Variants in SPADH observed in about 807,000 individuals in gnomAD.
SPADH encodes the protein spermadhesin family member, also known as CUB domain-containing protein.
chr10:122,677,038 C>A, the SPADH span: 1 of 440,134 alleles, frequency 2.3e-6, no homozygotes, highest in Non-Finnish European at 3.0e-6. Flanking sequence ...CTGTTGAAAG[C>A]TTTTCACTGG....
the SPADH span, among the ~76,000 whole-genome samples, chr10:122,674,516 T>C: frequency 6.6e-6 from 1 of 152,204 alleles, no homozygotes; most frequent in African/African-American, 2.4e-5. Context: ...GATTTATTTC[T>C]TCCAGAGCCA....
At chr10:122,679,231 C>T in the SPADH span, among the ~76,000 whole-genome samples, 5 of 152,176 alleles carry the variant, frequency 3.3e-5, no homozygotes, top group South Asian at 2.1e-4. Flanking sequence ...GAAAAAGGTA[C>T]GGGTTCTGTC....
At chr10:122,673,555 G>A in the SPADH span, among the ~76,000 whole-genome samples, 1 of 152,206 alleles carries the variant, frequency 6.6e-6, no homozygotes, top group Non-Finnish European at 1.5e-5. Flanking sequence ...ACTGCATGAG[G>A]ACTGGCCAAC....
chr10:122,676,812 G>A, the SPADH span: 19 of 985,184 alleles, frequency 1.9e-5, no homozygotes, highest in African/African-American at 5.2e-5. Flanking sequence ...CTTCAACTAC[G>A]CTGGGCCGAA....
chr10:122,674,193 T>C, the SPADH span, among the ~76,000 whole-genome samples: 1 of 152,258 alleles, frequency 6.6e-6, no homozygotes, highest in African/African-American at 2.4e-5. Flanking sequence ...CCAACCCCTC[T>C]TAACCTCAGC....
At chr10:122,677,052 G>A in the SPADH span, among the ~76,000 whole-genome samples, 5 of 152,090 alleles carry the variant, frequency 3.3e-5, no homozygotes, top group African/African-American at 9.7e-5. Context: ...TCACTGGCTC[G>A]TTTTCTCCAA....
the SPADH span, among the ~76,000 whole-genome samples, chr10:122,675,296 A>G: frequency 6.6e-6 from 1 of 152,210 alleles, no homozygotes; most frequent in African/African-American, 2.4e-5. Context: ...TGACTACTCT[A>G]TCAGAGCAGT....
At chr10:122,677,024 C>A in the SPADH span, 1 of 549,540 alleles carries the variant, frequency 1.8e-6, no homozygotes, top group Non-Finnish European at 2.3e-6. Context: ...GACATTTTCA[C>A]TTCCTGTTGA....
chr10:122,678,309 C>G, the SPADH span, among the ~76,000 whole-genome samples: 2 of 152,188 alleles, frequency 1.3e-5, no homozygotes, highest in African/African-American at 4.8e-5. Flanking sequence ...AGACCCCTCT[C>G]TCCTCTGCAG....
At chr10:122,678,835 C>T in the SPADH span, 1 of 971,890 alleles carries the variant, frequency 1.0e-6, no homozygotes, top group Non-Finnish European at 1.2e-6. Context: ...GTTGCCTTTT[C>T]TTCTGACCCA....
chr10:122,679,158 G>T, the SPADH span: 1 of 294,950 alleles, frequency 3.4e-6, no homozygotes, highest in African/African-American at 2.3e-5. Flanking sequence ...ATAAGATTGA[G>T]TCATAGTTCT....
the SPADH span, chr10:122,672,935 A>T: frequency 1.0e-6 from 1 of 985,404 alleles, no homozygotes; most frequent in Non-Finnish European, 1.2e-6. Flanking sequence ...TAGGTAACGC[A>T]TGGCCCCAGG....
At chr10:122,674,746 G>T in the SPADH span, among the ~76,000 whole-genome samples, 1 of 152,234 alleles carries the variant, frequency 6.6e-6, no homozygotes, top group Non-Finnish European at 1.5e-5. Context: ...GACAGATCAG[G>T]TGTATGCCAG....
chr10:122,679,083 T>A, the SPADH span: 1 of 887,328 alleles, frequency 1.1e-6, no homozygotes, highest in Admixed American at 6.2e-5. Context: ...CTGCTGATGC[T>A]CCCCTGCTCT....
At chr10:122,672,976 T>C in the SPADH span, 1 of 965,266 alleles carries the variant, frequency 1.0e-6, no homozygotes, top group Non-Finnish European at 1.2e-6. Flanking sequence ...ACTGTTTTCC[T>C]TTTCAACTGC....
At chr10:122,678,963 T>A in the SPADH span, 1 of 985,042 alleles carries the variant, frequency 1.0e-6, no homozygotes, top group Non-Finnish European at 1.2e-6. Context: ...TCCAACATCA[T>A]CACCATCAAG....
the SPADH span, among the ~76,000 whole-genome samples, chr10:122,674,527 A>G: frequency 7.2e-5 from 11 of 152,290 alleles, no homozygotes; most frequent in African/African-American, 2.6e-4. Context: ...TCCAGAGCCA[A>G]CTTGATAGAG....
At chr10:122,675,389 A>G in the SPADH span, among the ~76,000 whole-genome samples, 142,659 of 152,226 alleles carry the variant, frequency 0.94, 66,961 homozygotes, top group East Asian at 1. Flanking sequence ...TGAGTGAGCT[A>G]GTTTGTGAAT....
the SPADH span, among the ~76,000 whole-genome samples, chr10:122,675,851 C>A: frequency 4.7e-4 from 72 of 152,248 alleles, no homozygotes; most frequent in Non-Finnish European, 8.8e-4. Flanking sequence ...CCTCTCAGTG[C>A]TCCCCTCCAT....
Sources: gnomAD v4.1 joint callset for allele counts (sites outside exome capture counted in the v4.1 genomes callset) on GRCh38, gnomAD v4.1.1 for gene constraint, MANE v1.5 for transcripts, NCBI Gene and HGNC (gene_info 2026-07-23, HGNC 2026-07-21) for gene names.